The following MGAT5B variants were observed in gnomAD, a reference collection of about 807,000 sequenced individuals.
The protein encoded by MGAT5B is N-acetylglucosaminyl-transferase Vb.
A neutral mutation model predicts 95.1 loss-of-function variants in MGAT5B; 54 were observed. The ratio of observed to expected loss-of-function variants is 0.57; its 90% confidence interval spans 0.46 to 0.71. The LOEUF (loss-of-function observed/expected upper bound fraction) is 0.71, where lower values mean the gene tolerates loss of function less well. Among genes scored for constraint, MGAT5B ranks in the 30% least tolerant of loss-of-function variants. The probability of loss-of-function intolerance (pLI) is 0.00; values close to 1 mark genes in which losing one functional copy is unlikely to be tolerated. For synonymous variants in MGAT5B, 464 were observed against 451.0 expected, an observed-to-expected ratio of 1.03 and a Z score of -0.36; for missense variants, 935 against 1,088.6, an observed-to-expected ratio of 0.86 and a Z score of 1.99.
intron 8 of MGAT5B, among the ~76,000 whole-genome samples, chr17:76,909,025 T>C (rs959561248): frequency 6.6e-6 from 1 of 152,156 alleles, no homozygotes; most frequent in African/African-American, 2.4e-5. Flanking sequence ...CATGCTGGTC[T>C]CGAACTCCTG....
At chr17:76,900,661 G>A (rs1261780539) in intron 3 of MGAT5B, among the ~76,000 whole-genome samples, 1 of 152,248 alleles carries the variant, frequency 6.6e-6, no homozygotes, top group Admixed American at 6.5e-5. Flanking sequence ...CTGCCACCTC[G>A]CTGTCTGATT....
chr17:76,902,746 GT>G (rs1968363490), intron 4 of MGAT5B, 76 bp downstream of exon 4: 5 of 955,114 alleles, frequency 5.2e-6, no homozygotes, highest in Non-Finnish European at 8.0e-6. Context: ...CCCTGGGAGG[GT>G]GGGACACTTG....
intron 3 of MGAT5B, among the ~76,000 whole-genome samples, chr17:76,895,552 G>A (rs1968036140): frequency 6.6e-6 from 1 of 152,152 alleles, no homozygotes; most frequent in Non-Finnish European, 1.5e-5. Context: ...TGCTAGGGAA[G>A]GATCTGTTCC....
chr17:76,929,923 T>G (rs778448674), intron 10 of MGAT5B, among the ~76,000 whole-genome samples: 1 of 152,226 alleles, frequency 6.6e-6, no homozygotes, highest in Non-Finnish European at 1.5e-5. Context: ...GTTGGTGGAA[T>G]GAAGGCAGTT....
intron 5 of MGAT5B, 101 bp from the exon 6 acceptor site, chr17:76,904,151 C>T (rs1198544664): frequency 2.4e-6 from 3 of 1,238,672 alleles, no homozygotes; most frequent in Non-Finnish European, 1.1e-6. Flanking sequence ...CACATGGGCC[C>T]CATCCTTGAC....
At chr17:76,947,802 C>T in intron 16 of MGAT5B, 28 bp from the exon 17 acceptor site, 1 of 1,517,688 alleles carries the variant, frequency 6.6e-7, no homozygotes, top group Non-Finnish European at 8.8e-7. Context: ...CGCACTTCCC[C>T]ACCCTGACAC....
chr17:76,876,522 C>G (rs1342792480), intron 2 of MGAT5B, among the ~76,000 whole-genome samples: 1 of 151,656 alleles, frequency 6.6e-6, no homozygotes, highest in Non-Finnish European at 1.5e-5. Context: ...GAAAAACAAT[C>G]TCTCCTCCCC....
chr17:76,902,721 T>A, intron 4 of MGAT5B, 51 bp downstream of exon 4: 1 of 704,976 alleles, frequency 1.4e-6, no homozygotes, highest in Non-Finnish European at 2.3e-6. Context: ...GCCAATGAAC[T>A]GGGTGCTGGG....
In MGAT5B at chr17:76,905,867, G is replaced by T. The variant is rs555852454; in HGVS notation, c.856-151G>T. On this transcript the variant is annotated intron_variant, in intron 7 of 17. Transcript: ENST00000569840. The surrounding 1 kb of genome is among the most constrained non-coding windows in gnomAD (Gnocchi z 4.2). ...TTGTTCGCCCGTGTCCCCAGTGCCC[G>T]ATCTGGTCACTCTGGTGCCGGAAAG... is the stretch of plus-strand genomic sequence containing the variant. The T allele has an allele frequency of 2.1e-5, 16 of 753,144 alleles. No individual in the cohort carries two copies. The highest frequency in any genetic ancestry group is 3.1e-5 in the Non-Finnish European group (15 of 483,508). 46.7% of individuals were successfully genotyped at this position (753,144 alleles called of 1,614,324 possible). A position where few individuals can be genotyped will look rare whatever the true frequency, so the allele number is the denominator to read the frequency against.
At chr17:76,926,547 G>A (rs781131271) in intron 9 of MGAT5B, 50 bp from the exon 10 acceptor site, 19 of 1,561,348 alleles carry the variant, frequency 1.2e-5, no homozygotes, top group Non-Finnish European at 1.6e-5. Context: ...TCAGCCCAGG[G>A]ACACACGGGG....
chr17:76,870,187 G>T lies in MGAT5B; in HGVS notation c.68+1090G>T, dbSNP rs1321508809. ...GTGGTCCCCCTGCCGGCTCCAGACGGGGATGGGGGCGGGGAGACGGTGGCT... is the reference window on the plus strand; with the variant it reads ...GTGGTCCCCCTGCCGGCTCCAGACGTGGATGGGGGCGGGGAGACGGTGGCT... On this transcript the variant is annotated intron_variant, in intron 1 of 17. Transcript: ENST00000569840. This position sits in a 1 kb window ranked among gnomAD's most constrained non-coding sequence, Gnocchi z 5.0. Among the ~76,000 whole-genome samples the T allele has an allele frequency of 6.6e-6, 1 of 152,208 alleles. No individual in the cohort carries two copies. Among genetic ancestry groups the T allele is most frequent in the African/African-American group, 2.4e-5 (1 of 41,456 alleles).
At chr17:76,879,352 A>G (rs9897764) in intron 2 of MGAT5B, among the ~76,000 whole-genome samples, 62,805 of 152,128 alleles carry the variant, frequency 0.41, 14,368 homozygotes, top group East Asian at 0.94. Context: ...CTGCGTCTGC[A>G]GGAACGAGCT....
rs1029570793 is a variant in MGAT5B, at chr17:76,940,962, G to A, written c.1848+114G>A. Reference sequence around the variant, plus strand: ...GAGTTCAGACTTGCAGGCCTGGGTTGGCAAAGGTGTCCATCCCTCCCCTGG... The same window carrying A: ...GAGTTCAGACTTGCAGGCCTGGGTTAGCAAAGGTGTCCATCCCTCCCCTGG... On this transcript the variant is annotated intron_variant, in intron 15 of 17. Coordinates refer to ENST00000569840, the MANE Select transcript of MGAT5B (RefSeq NM_001199172.2). This position sits in a 1 kb window ranked among gnomAD's most constrained non-coding sequence, Gnocchi z 4.3. 1.3e-5 allele frequency: 11 copies of A among 824,780 alleles called. No homozygotes were observed. Among genetic ancestry groups the A allele is most frequent in the Non-Finnish European group, 2.1e-5 (11 of 514,910 alleles). 51.1% of individuals were successfully genotyped at this position (824,780 alleles called of 1,614,324 possible). A position where few individuals can be genotyped will look rare whatever the true frequency, so the allele number is the denominator to read the frequency against.
intron 8 of MGAT5B, among the ~76,000 whole-genome samples, chr17:76,924,645 AG>A (rs1189432501): frequency 6.6e-6 from 1 of 152,184 alleles, no homozygotes; most frequent in Non-Finnish European, 1.5e-5. Flanking sequence ...AGTTAGAGAA[AG>A]GCTCCCTCTC....
intron 17 of MGAT5B, 86 bp from the exon 18 acceptor site, chr17:76,948,554 C>CT (rs1348930958): frequency 1.5e-6 from 2 of 1,360,620 alleles, no homozygotes; most frequent in Non-Finnish European, 2.0e-6. Flanking sequence ...GCAGGCAGGA[C>CT]TAGGCTGGGG....
chr17:76,947,872 G>T lies in MGAT5B; in HGVS notation c.1966G>T (p.Ala656Ser). Reference protein sequence around the residue: ...APDPALPEAHAPQSPFVLAPN... With the variant: ...APDPALPEAHSPQSPFVLAPN... ...AGACCCTGCCCTACCAGAGGCCCAC[G>T]CCCCGCAGAGCCCCTTTGTCCTGGC... The change falls in exon 17 of 18, where the codon GCC (alanine) becomes TCC (serine). Residue 656 changes from alanine to serine, a missense_variant. By Grantham distance (99) the Ala-to-Ser change is moderately conservative (BLOSUM62 1). Coordinates refer to ENST00000569840, the MANE Select transcript of MGAT5B (RefSeq NM_001199172.2). The T allele has an allele frequency of 1.3e-6, 2 of 1,597,872 alleles. No individual in the cohort carries two copies. The highest frequency in any genetic ancestry group is 2.2e-5 in the South Asian group (2 of 90,282).
intron 12 of MGAT5B, among the ~76,000 whole-genome samples, chr17:76,936,594 G>A (rs1969680819): frequency 6.6e-6 from 1 of 152,156 alleles, no homozygotes; most frequent in African/African-American, 2.4e-5. Context: ...TTGCATTTAA[G>A]TCTGTGATCC....
chr17:76,945,579 G>A (rs376404740), intron 15 of MGAT5B, among the ~76,000 whole-genome samples: 11 of 152,300 alleles, frequency 7.2e-5, no homozygotes, highest in South Asian at 6.2e-4. Flanking sequence ...ATGAGCCACC[G>A]TGCCGGGCTA....
At chr17:76,926,055 C>T (rs33997721) in intron 9 of MGAT5B, among the ~76,000 whole-genome samples, 4,586 of 152,286 alleles carry the variant, frequency 0.03, 104 homozygotes, top group Non-Finnish European at 0.046. Context: ...CTGCAGGGTC[C>T]AGCCCTACTG....
Sources: gnomAD v4.1 joint callset for allele counts (sites outside exome capture counted in the v4.1 genomes callset) on GRCh38, gnomAD v4.1.1 for gene constraint, Gnocchi (gnomAD v3.1) non-coding constraint, MANE v1.5 for transcripts, NCBI Gene and HGNC (gene_info 2026-07-23, HGNC 2026-07-21) for gene names.